STOX1: variants seen among roughly 807,000 people sequenced by gnomAD.
STOX1 encodes storkhead box 1.
A neutral mutation model predicts 74.8 loss-of-function variants in STOX1; 57 were observed. The ratio of observed to expected loss-of-function variants is 0.76; its 90% CI spans 0.62 to 0.95. The LOEUF is 0.95. Ranked by LOEUF, STOX1 falls within the 40% of genes least tolerant of loss-of-function variation. The pLI, the probability that STOX1 is intolerant of heterozygous loss-of-function variation, is 0.00. For synonymous variants in STOX1, 375 were observed against 401.3 expected (o/e 0.93, Z 0.78); for missense variants, 1,010 against 1,117.0 (o/e 0.90, Z 1.37).
At chr10:68,856,113 G>A (rs907179696) in intron 1 of STOX1, among the ~76,000 whole-genome samples, 1 of 151,594 alleles carries the variant, frequency 6.6e-6, no homozygotes, top group Non-Finnish European at 1.5e-5. Flanking sequence ...GGGAGAGCAG[G>A]GCAAAATGCT....
chr10:68,891,823 A>G (rs1250814983), intron 3 of STOX1, among the ~76,000 whole-genome samples: 2 of 145,340 alleles, frequency 1.4e-5, no homozygotes, highest in Non-Finnish European at 3.1e-5. Context: ...AAGCAAAAAT[A>G]CTTTTTTTGT....
At chr10:68,855,550 C>T (rs1473269078) in intron 1 of STOX1, among the ~76,000 whole-genome samples, 1 of 151,842 alleles carries the variant, frequency 6.6e-6, no homozygotes, top group Non-Finnish European at 1.5e-5. Flanking sequence ...GCGATCCTCC[C>T]GCCTCAGCCT....
In STOX1 at chr10:68,884,846, G is replaced by C; in HGVS notation, c.1050G>C (p.Leu350Phe). The change falls in exon 3 of 4, where the codon TTG becomes TTC. Residue 350 changes from leucine (L) to phenylalanine (F), a missense_variant. Leu to Phe is a conservative substitution (Grantham distance 22). Coordinates refer to ENST00000298596, the MANE Select transcript of STOX1 (RefSeq NM_152709.5). ...EEWPVRDEDDLDNIPRDVEHE... is the reference protein window; with the variant it reads ...EEWPVRDEDDFDNIPRDVEHE... ...GGCCCGTCCGAGATGAAGATGACTTGGACAATATCCCTCGAGATGTTGAAC... is the reference window on the plus strand; with the variant it reads ...GGCCCGTCCGAGATGAAGATGACTTCGACAATATCCCTCGAGATGTTGAAC... 1 of 1,614,038 alleles carries C rather than the reference G, an allele frequency of 6.2e-7. No individual in the cohort carries two copies. Among genetic ancestry groups the C allele is most frequent in the Non-Finnish European group, 8.5e-7 (1 of 1,179,992 alleles).
intron 1 of STOX1, chr10:68,828,248 G>A: frequency 9.0e-7 from 1 of 1,111,782 alleles, no homozygotes; most frequent in South Asian, 4.1e-5. Flanking sequence ...GCCGCCGCGC[G>A]GCTTCCGCAT....
At chr10:68,844,819 G>A (rs985442979) in intron 1 of STOX1, among the ~76,000 whole-genome samples, 2 of 152,066 alleles carry the variant, frequency 1.3e-5, no homozygotes, top group African/African-American at 2.4e-5. Context: ...CTGGAGTGCA[G>A]TGGTGCGATC....
downstream of STOX1, among the ~76,000 whole-genome samples, chr10:68,893,552 G>T (rs1841142514): frequency 6.6e-6 from 1 of 152,168 alleles, no homozygotes; most frequent in South Asian, 2.1e-4. Flanking sequence ...CGAGTAGCTG[G>T]GATTACAGGC....
At chr10:68,872,039 G>T (rs141648115) in intron 1 of STOX1, among the ~76,000 whole-genome samples, 1 of 152,070 alleles carries the variant, frequency 6.6e-6, no homozygotes, top group African/African-American at 2.4e-5. Flanking sequence ...GTACCTGCAG[G>T]CTGTTTTATT....
At chr10:68,850,806 CA>C (rs918807326) in intron 1 of STOX1, among the ~76,000 whole-genome samples, 139 of 151,678 alleles carry the variant, frequency 9.2e-4, no homozygotes, top group African/African-American at 3.1e-3. Flanking sequence ...ATCCTGTCTC[CA>C]CAAAAAATAC....
intron 1 of STOX1, among the ~76,000 whole-genome samples, chr10:68,854,682 T>C (rs1238931306): frequency 2.0e-5 from 3 of 151,984 alleles, no homozygotes; most frequent in Admixed American, 6.6e-5. Context: ...CTACCTGGGG[T>C]GTTTTCTCAA....
chr10:68,828,847 A>C (rs1839333538), intron 1 of STOX1: 1 of 393,700 alleles, frequency 2.5e-6, no homozygotes, highest in African/African-American at 2.2e-5. Flanking sequence ...CTGAATAGAC[A>C]GGATTCCACC....
rs1461285575 is a variant in STOX1, at chr10:68,885,269, G to A, written c.1473G>A (p.Lys491=). 4 of 1,614,182 alleles carry A rather than the reference G, an allele frequency of 2.5e-6. No individual in the cohort carries two copies. Among genetic ancestry groups the A allele is most frequent in the Non-Finnish European group, 3.4e-6 (4 of 1,180,042 alleles). ...TVLGSHLIYK[K]RISNPFQGLS... is the part of the protein sequence containing the mutation. ...TAGGTTCCCATTTGATTTACAAAAA[G>A]CGAATCAGTAATCCTTTCCAGGGTT... Residue 491 remains lysine, a synonymous_variant, in exon 3 of 4, where the codon AAG becomes AAA. Transcript: ENST00000298596.
chr10:68,859,848 T>A (rs1840216297), intron 1 of STOX1, among the ~76,000 whole-genome samples: 1 of 151,996 alleles, frequency 6.6e-6, no homozygotes, highest in Non-Finnish European at 1.5e-5. Flanking sequence ...TCCTAGTAGA[T>A]GATCTTTTGA....
intron 1 of STOX1, among the ~76,000 whole-genome samples, chr10:68,867,598 C>T (rs1441326112): frequency 6.6e-6 from 1 of 152,144 alleles, no homozygotes; most frequent in Admixed American, 6.5e-5. Context: ...ACAAGCTTCC[C>T]CTTCTTGGGT....
In STOX1 at chr10:68,848,648, T is replaced by C. The variant is rs186092382; in HGVS notation, c.310+20715T>C. Among the ~76,000 whole-genome samples, 230 of 152,184 alleles carry C rather than the reference T, an allele frequency of 1.5e-3. 1 individual carries two copies. Among genetic ancestry groups the C allele is most frequent in the African/African-American group, 5.4e-3 (223 of 41,530 alleles). ...GGCCCAGCACACAGTGAGCTATCAG[T>C]GAATGTGAGCAGTTTGTTTGTTTTG... On this transcript the variant is annotated intron_variant, in intron 1 of 3. Transcript: ENST00000298596.
intron 1 of STOX1, among the ~76,000 whole-genome samples, chr10:68,839,310 TCTC>T (rs1294568742): frequency 1.3e-5 from 2 of 152,050 alleles, no homozygotes; most frequent in Non-Finnish European, 2.9e-5. Context: ...GCAGCCTTGA[TCTC>T]CTGGGCTCAA....
At chr10:68,864,194 G>A (rs577461698) in intron 1 of STOX1, among the ~76,000 whole-genome samples, 6 of 152,072 alleles carry the variant, frequency 3.9e-5, no homozygotes, top group African/African-American at 1.4e-4. Flanking sequence ...AAAGTGTTGG[G>A]ATTACAGGCG....
In STOX1 at chr10:68,886,657, A is replaced by G. The variant is rs372259611; in HGVS notation, c.2822+39A>G. On this transcript the variant is annotated intron_variant, in intron 3 of 3. Transcript: ENST00000298596. ...AAAGTGTCTGATTTAGGCCGGGCGC[A>G]GTGGCTCATGCCTGTAATCCCAGCA... 8.6e-4 allele frequency: 1,359 copies of G among 1,588,402 alleles called. 2 individuals are homozygous for G. The highest frequency in any genetic ancestry group is 1.1e-3 in the Non-Finnish European group (1,248 of 1,161,002).
At chr10:68,845,075 T>A (rs1839804247) in intron 1 of STOX1, among the ~76,000 whole-genome samples, 1 of 151,886 alleles carries the variant, frequency 6.6e-6, no homozygotes, top group Non-Finnish European at 1.5e-5. Context: ...CTTGTCTTTT[T>A]AATTTCTTAC....
At chr10:68,838,300 C>G (rs546570865) in intron 1 of STOX1, among the ~76,000 whole-genome samples, 2 of 152,106 alleles carry the variant, frequency 1.3e-5, no homozygotes, top group South Asian at 4.2e-4. Context: ...CTCCTGGGCT[C>G]GAGTGATTCT....
Sources: gnomAD v4.1 joint callset for allele counts (sites outside exome capture counted in the v4.1 genomes callset) on GRCh38, gnomAD v4.1.1 for gene constraint, MANE v1.5 for transcripts, NCBI Gene and HGNC (gene_info 2026-07-23, HGNC 2026-07-21) for gene names.